PCDH15: variants seen among roughly 807,000 people sequenced by gnomAD.
The protein encoded by PCDH15 is protocadherin-15.
A neutral mutation model predicts 178.5 loss-of-function variants in PCDH15; 129 were observed. That is an observed-to-expected ratio of 0.72 (90% CI 0.63 to 0.84). The LOEUF (loss-of-function observed/expected upper bound fraction) is 0.84. Ranked by LOEUF, PCDH15 falls within the 40% of genes least tolerant of loss-of-function variation. The probability of loss-of-function intolerance (pLI) is 0.00; values close to 1 mark genes in which losing one functional copy is unlikely to be tolerated. For missense variants in PCDH15, 2,230 were observed against 2,099.9 expected (o/e 1.06, Z -1.21); for synonymous variants, 800 against 732.0 (o/e 1.09, Z -1.50).
intron 2 of PCDH15, among the ~76,000 whole-genome samples, chr10:55,336,123 T>G: frequency 1.3e-5 from 1 of 74,144 alleles, no homozygotes; most frequent in Admixed American, 1.9e-4. Flanking sequence ...CCTTGGTATT[T>G]GAAAAAAAAA....
At chr10:55,278,678 A>T (rs1329371241) in intron 1 of PCDH15, among the ~76,000 whole-genome samples, 1 of 152,218 alleles carries the variant, frequency 6.6e-6, no homozygotes, top group Non-Finnish European at 1.5e-5. Context: ...AGAATTTATA[A>T]TTTGGATGGT....
At chr10:54,064,385 G>T (rs920397260) in intron 18 of PCDH15, among the ~76,000 whole-genome samples, 1 of 152,150 alleles carries the variant, frequency 6.6e-6, no homozygotes, top group Non-Finnish European at 1.5e-5. Flanking sequence ...TAAAAGCACC[G>T]TAAGTTTTCA....
chr10:55,568,434 G>T (rs755876709), intron 2 of PCDH15, among the ~76,000 whole-genome samples: 1 of 152,056 alleles, frequency 6.6e-6, no homozygotes, highest in South Asian at 2.1e-4. Flanking sequence ...TTTAAAGATT[G>T]TAAGAGTTCT....
At chr10:54,518,946 T>G (rs913542857) in intron 3 of PCDH15, among the ~76,000 whole-genome samples, 1 of 151,960 alleles carries the variant, frequency 6.6e-6, no homozygotes. Context: ...TATAAACAGA[T>G]CCAAAGACAA....
intron 1 of PCDH15, among the ~76,000 whole-genome samples, chr10:55,253,811 T>A (rs980793891): frequency 6.6e-6 from 1 of 152,172 alleles, no homozygotes; most frequent in African/African-American, 2.4e-5. Flanking sequence ...GTAAGTTGAG[T>A]GCATAATGGT....
chr10:54,304,538 C>T (rs1199770532), intron 8 of PCDH15, among the ~76,000 whole-genome samples: 2 of 152,042 alleles, frequency 1.3e-5, no homozygotes, highest in East Asian at 1.9e-4. Flanking sequence ...AAAAAACGTC[C>T]TGGCAGCAGA....
At chr10:54,571,753 AC>A (rs1160053873) in intron 2 of PCDH15, among the ~76,000 whole-genome samples, 7 of 152,090 alleles carry the variant, frequency 4.6e-5, no homozygotes, top group African/African-American at 1.7e-4. Context: ...CACATACTTC[AC>A]CTTTTTCACA....
chr10:54,473,992 C>A (rs1052900091), intron 3 of PCDH15, among the ~76,000 whole-genome samples: 47 of 151,862 alleles, frequency 3.1e-4, no homozygotes, highest in African/African-American at 1.0e-3. Context: ...CAAAAGAACA[C>A]ATTACATATA....
At chr10:54,216,945 A>G (rs1328299984) in intron 9 of PCDH15, among the ~76,000 whole-genome samples, 1 of 152,134 alleles carries the variant, frequency 6.6e-6, no homozygotes, top group Non-Finnish European at 1.5e-5. Context: ...CTATGGAGTT[A>G]TTTTCAGCTA....
chr10:55,127,435 T>C (rs1283158250), intron 2 of PCDH15, among the ~76,000 whole-genome samples: 1 of 152,072 alleles, frequency 6.6e-6, no homozygotes. Flanking sequence ...TCTTAAAGAC[T>C]TTGGACTATC....
intron 1 of PCDH15, among the ~76,000 whole-genome samples, chr10:55,195,965 C>T (rs1467680439): frequency 1.3e-5 from 2 of 152,056 alleles, no homozygotes; most frequent in African/African-American, 4.8e-5. Context: ...TGCAGCATAT[C>T]ACTGAAACAA....
chr10:54,420,683 A>G (rs1432897248), intron 3 of PCDH15, among the ~76,000 whole-genome samples: 4 of 152,010 alleles, frequency 2.6e-5, no homozygotes, highest in African/African-American at 4.8e-5. Context: ...CAAAGGGGAG[A>G]TAGTGGGAAA....
At chr10:55,483,469 G>T (rs1840227757) in intron 2 of PCDH15, among the ~76,000 whole-genome samples, 1 of 151,674 alleles carries the variant, frequency 6.6e-6, no homozygotes, top group South Asian at 2.1e-4. Context: ...AAAAATAACA[G>T]ATGCTAGTGA....
At chr10:53,888,674 T>TAG in intron 26 of PCDH15, among the ~76,000 whole-genome samples, 1 of 32,236 alleles carries the variant, frequency 3.1e-5, no homozygotes, top group Non-Finnish European at 5.2e-5. Flanking sequence ...GATATATATA[T>TAG]ATATATATAT....
At chr10:54,319,827 T>C (rs1444980114) in intron 7 of PCDH15, among the ~76,000 whole-genome samples, 1 of 151,992 alleles carries the variant, frequency 6.6e-6, no homozygotes, top group Non-Finnish European at 1.5e-5. Flanking sequence ...TAATAGTACA[T>C]TTTGGTTAAG....
intron 1 of PCDH15, among the ~76,000 whole-genome samples, chr10:55,284,065 T>C (rs117413591): frequency 2.6e-5 from 4 of 152,316 alleles, no homozygotes; most frequent in South Asian, 2.1e-4. Context: ...CCCAGAGATA[T>C]TGCAATGGAT....
At chr10:54,900,365 A>G (rs1033709798) in intron 2 of PCDH15, among the ~76,000 whole-genome samples, 11 of 152,186 alleles carry the variant, frequency 7.2e-5, no homozygotes, top group Non-Finnish European at 1.6e-4. Context: ...GAAACTTATA[A>G]TATTTAATAA....
At chr10:54,045,558 C>T (rs1341169859) in intron 18 of PCDH15, among the ~76,000 whole-genome samples, 3 of 151,896 alleles carry the variant, frequency 2.0e-5, no homozygotes, top group African/African-American at 7.3e-5. Flanking sequence ...TAAACCAACA[C>T]AATAGAATAG....
At chr10:55,544,187 T>C (rs1841829693) in intron 2 of PCDH15, among the ~76,000 whole-genome samples, 1 of 137,606 alleles carries the variant, frequency 7.3e-6, no homozygotes, top group African/African-American at 2.6e-5. Context: ...ATACTGACAG[T>C]ATACATATAT....
Sources: gnomAD v4.1 joint callset for allele counts (sites outside exome capture counted in the v4.1 genomes callset) on GRCh38, gnomAD v4.1.1 for gene constraint, MANE v1.5 for transcripts, NCBI Gene and HGNC (gene_info 2026-07-23, HGNC 2026-07-21) for gene names.